CCDC30: variants seen among roughly 807,000 people sequenced by gnomAD.
CCDC30 encodes coiled-coil domain-containing protein 30.
In CCDC30, 70 loss-of-function variants were observed where a neutral mutation model predicts 100.2. That is an observed-to-expected ratio of 0.70 (90% CI 0.58 to 0.85). The LOEUF (loss-of-function observed/expected upper bound fraction) is 0.85. Among genes scored for constraint, CCDC30 ranks in the 40% least tolerant of loss-of-function variants. The pLI is 0.00. For missense variants in CCDC30, 652 were observed against 771.2 expected (o/e 0.85, Z 1.83); for synonymous variants, 233 against 269.5 (o/e 0.86, Z 1.33).
intron 6 of CCDC30, chr1:42,539,254 C>G (rs773947069): frequency 3.1e-6 from 5 of 1,609,444 alleles, no homozygotes; most frequent in Non-Finnish European, 4.2e-6. Flanking sequence ...AAGCAAAGAC[C>G]ATTTTTTAAT....
At chr1:42,467,986 G>T (rs535438589) in intron 1 of CCDC30, among the ~76,000 whole-genome samples, 3 of 152,320 alleles carry the variant, frequency 2.0e-5, no homozygotes, top group African/African-American at 7.2e-5. Context: ...GAGCAAACTC[G>T]CAGGGAAGCT....
At chr1:42,500,419 C>CTTTT (rs373902992) in intron 6 of CCDC30, 3 of 716,902 alleles carry the variant, frequency 4.2e-6, no homozygotes, top group Non-Finnish European at 7.0e-6. Flanking sequence ...CGAGTTCTCT[C>CTTTT]TTTTTTTTTT....
chr1:42,601,081 T>G (rs1203661412), intron 10 of CCDC30, among the ~76,000 whole-genome samples: 1 of 152,106 alleles, frequency 6.6e-6, no homozygotes, highest in East Asian at 1.9e-4. Context: ...GGAATTAAAC[T>G]AGAAATCAGT....
At chr1:42,459,917 C>G (rs760575381), upstream of CCDC30, 3 of 1,604,516 alleles carry the variant, frequency 1.9e-6, no homozygotes, top group Non-Finnish European at 2.6e-6. Context: ...TTATAGGTGA[C>G]AGAAACTGAA....
intron 4 of CCDC30, among the ~76,000 whole-genome samples, chr1:42,496,566 C>G (rs1343958449): frequency 6.6e-6 from 1 of 151,960 alleles, no homozygotes; most frequent in South Asian, 2.1e-4. Flanking sequence ...TCACTTTGAA[C>G]AAAACTATGT....
chr1:42,511,766 A>G (rs374919487), intron 6 of CCDC30, among the ~76,000 whole-genome samples: 3 of 152,278 alleles, frequency 2.0e-5, no homozygotes, highest in Admixed American at 6.5e-5. Flanking sequence ...GAGGATTTTT[A>G]TTCCTCTAGG....
chr1:42,577,463 C>T (rs1211381086), intron 8 of CCDC30, among the ~76,000 whole-genome samples: 1 of 151,796 alleles, frequency 6.6e-6, no homozygotes, highest in African/African-American at 2.4e-5. Context: ...AAAGCGATAA[C>T]ATGAACTTAA....
At chr1:42,583,110 G>A (rs2809654) in intron 9 of CCDC30, among the ~76,000 whole-genome samples, 91,460 of 152,090 alleles carry the variant, frequency 0.6, 27,976 homozygotes, top group East Asian at 0.81. Flanking sequence ...GTCTGCCACT[G>A]TGGCCCTCAT....
intron 6 of CCDC30, among the ~76,000 whole-genome samples, chr1:42,538,149 CAAAAAAAAAAAA>C (rs776412637): frequency 0.36 from 29,649 of 83,518 alleles, 4,481 homozygotes; most frequent in Middle Eastern, 0.46. Flanking sequence ...ACTGTCTCCA[CAAAAAAAAAAAA>C]AAAAAAAAAA....
At chr1:42,503,669 G>A (rs1644354373) in intron 6 of CCDC30, among the ~76,000 whole-genome samples, 1 of 152,188 alleles carries the variant, frequency 6.6e-6, no homozygotes, top group Non-Finnish European at 1.5e-5. Context: ...ACCTTTGCAA[G>A]CTTCCAGCTT....
Position 42,579,938 on chromosome 1 carries a change from C to CAAAAA in CCDC30, c.847-1414_847-1410dup, listed in dbSNP as rs375950938. On this transcript the variant is annotated intron_variant, in intron 8 of 16. Transcript: ENST00000668663. ...TGGGCAATATAGCAACAGCACATCT[C>CAAAAA]AAAAAAAAAAAACCTCTCATATATT... Among the ~76,000 whole-genome samples, 551 of 140,886 alleles carry CAAAAA rather than the reference C, an allele frequency of 3.9e-3. 5 individuals carry two copies. The highest frequency in any genetic ancestry group is 0.014 in the African/African-American group (525 of 38,390). 92.4% of individuals were successfully genotyped at this position (140,886 alleles called of 152,430 possible). A position where few individuals can be genotyped will look rare whatever the true frequency, so the allele number is the denominator to read the frequency against.
intron 9 of CCDC30, among the ~76,000 whole-genome samples, chr1:42,586,713 G>C (rs1331582133): frequency 6.6e-6 from 1 of 152,106 alleles, no homozygotes; most frequent in African/African-American, 2.4e-5. Context: ...TGGGGTTCCT[G>C]AATCAAGGAA....
chr1:42,577,125 C>CTGGA lies in CCDC30; in HGVS notation c.743_746dup (p.Glu249AspfsTer7), dbSNP rs1215466275. 1 of 1,614,004 alleles carries CTGGA rather than the reference C, an allele frequency of 6.2e-7. No individual in the cohort carries two copies. The highest frequency in any genetic ancestry group is 8.5e-7 in the Non-Finnish European group (1 of 1,179,880). ...GCACTGTCAGCAGAAAATCAAGGAA[C>CTGGA]TGGAGTTGGAAGTACTTAAACACAC... On this transcript the variant is annotated frameshift_variant, in exon 8 of 17. Coordinates refer to ENST00000668663, the Ensembl canonical transcript of CCDC30. LOFTEE classifies it high-confidence loss of function.
chr1:42,526,147 A>G (rs1354599275), intron 6 of CCDC30, among the ~76,000 whole-genome samples: 1 of 151,820 alleles, frequency 6.6e-6, no homozygotes, highest in Non-Finnish European at 1.5e-5. Context: ...ATATCACCAC[A>G]CTCTAGAAAG....
rs147590826 is a variant in CCDC30, at chr1:42,564,731, A to G, written c.457-1565A>G. Among the ~76,000 whole-genome samples the G allele has an allele frequency of 7.9e-5, 12 of 152,320 alleles. No individual in the cohort carries two copies. In the East Asian group the frequency reaches 1.5e-3, roughly 20 times the overall value. The stretch of plus-strand genomic sequence containing the variant: ...AGCTCTACTCTTTTAACAATTTTCA[A>G]GTATACAACACATTAAGTATAGTCA... On this transcript the variant is annotated intron_variant, in intron 6 of 16. Coordinates refer to ENST00000668663, the Ensembl canonical transcript of CCDC30.
chr1:42,487,547 C>T (rs563628747), intron 3 of CCDC30, among the ~76,000 whole-genome samples: 1 of 152,316 alleles, frequency 6.6e-6, no homozygotes, highest in African/African-American at 2.4e-5. Context: ...CTGATCTAAT[C>T]AGGTGAGCTC....
At chr1:42,584,282 T>C (rs1646025207) in intron 9 of CCDC30, among the ~76,000 whole-genome samples, 1 of 152,178 alleles carries the variant, frequency 6.6e-6, no homozygotes, top group Non-Finnish European at 1.5e-5. Flanking sequence ...TGTTAAACTA[T>C]AGTTAATTCT....
intron 11 of CCDC30, among the ~76,000 whole-genome samples, chr1:42,615,114 T>A (rs1646700147): frequency 6.6e-6 from 1 of 152,032 alleles, no homozygotes; most frequent in South Asian, 2.1e-4. Flanking sequence ...GTTTAGGGTT[T>A]TTAAGGATTT....
rs201206430 is a variant in CCDC30 at position 42,556,119 on chromosome 1, G to A, written c.457-10177G>A. 18 of 1,578,782 alleles carry A rather than the reference G, an allele frequency of 1.1e-5. No homozygotes were observed. The Admixed American group carries it at 2.6e-4, about 23-fold the overall frequency. ...TTTCCCGATTCTACTACTATAATAA[G>A]CATTTTGATAGATTTTATTCTTATA... On this transcript the variant is annotated intron_variant, in intron 6 of 16. Transcript: ENST00000668663.
Sources: gnomAD v4.1 joint callset for allele counts (sites outside exome capture counted in the v4.1 genomes callset) on GRCh38, gnomAD v4.1.1 for gene constraint, MANE v1.5 for transcripts, NCBI Gene and HGNC (gene_info 2026-07-23, HGNC 2026-07-21) for gene names.